Variants in CA10 observed in about 807,000 individuals in gnomAD.
CA10 encodes the protein carbonic anhydrase-related protein 10.
A neutral mutation model predicts 44.2 loss-of-function variants in CA10; 14 were observed. The ratio of observed to expected loss-of-function variants is 0.32; its 90% CI spans 0.21 to 0.50. The LOEUF (loss-of-function observed/expected upper bound fraction) is 0.50, where lower values mean the gene tolerates loss of function less well. Among genes scored for constraint, CA10 ranks in the 20% least tolerant of loss-of-function variants. The pLI is 0.99. For synonymous variants in CA10, 159 were observed against 141.6 expected, an observed-to-expected ratio of 1.12 and a Z score of -0.87; for missense variants, 350 against 409.7, an observed-to-expected ratio of 0.85 and a Z score of 1.26.
At chr17:51,945,050 C>G (rs1238460388) in intron 2 of CA10, among the ~76,000 whole-genome samples, 2 of 152,152 alleles carry the variant, frequency 1.3e-5, no homozygotes, top group Non-Finnish European at 2.9e-5. Context: ...GGCAGTCACA[C>G]TTAGCAGTTG....
rs149382808 is a variant in CA10, at chr17:51,655,142, T to C, written c.466-1406A>G. ...AATTTAAAAGTAGTTTGTAGCTATC[T>C]TTCTAAGCCAATGCATATAGATCTC... is the stretch of plus-strand genomic sequence containing the variant. On this transcript the variant is annotated intron_variant, in intron 4 of 8. Coordinates refer to ENST00000451037, the MANE Select transcript of CA10 (RefSeq NM_020178.5). Among the ~76,000 whole-genome samples, 225 of 152,354 alleles carry C rather than the reference T, an allele frequency of 1.5e-3. 1 individual carries two copies. Among genetic ancestry groups the C allele is most frequent in the African/African-American group, 5.1e-3 (213 of 41,580 alleles).
At chr17:51,820,416 C>CA (rs1491263200) in intron 3 of CA10, among the ~76,000 whole-genome samples, 14 of 92,936 alleles carry the variant, frequency 1.5e-4, no homozygotes, top group South Asian at 1.0e-3. Flanking sequence ...CCCCCCCCCC[C>CA]CCGCCCGCCG....
chr17:51,828,327 C>G (rs1024293396), intron 3 of CA10, among the ~76,000 whole-genome samples: 3 of 152,178 alleles, frequency 2.0e-5, no homozygotes, highest in African/African-American at 4.8e-5. Flanking sequence ...CATGTCCTAG[C>G]TAGTCTGGAT....
intron 2 of CA10, among the ~76,000 whole-genome samples, chr17:52,044,591 ACAG>A (rs1426353764): frequency 6.6e-6 from 1 of 152,120 alleles, no homozygotes. Context: ...GGTGTGAGCC[ACAG>A]CACCCAGCCT....
At chr17:51,982,138 C>G (rs1984673827) in intron 2 of CA10, among the ~76,000 whole-genome samples, 1 of 151,954 alleles carries the variant, frequency 6.6e-6, no homozygotes, top group Non-Finnish European at 1.5e-5. Context: ...ACATTTAGAA[C>G]TATAGGGGCC....
At chr17:52,101,286 A>AT (rs746500329) in intron 1 of CA10, among the ~76,000 whole-genome samples, 2 of 152,050 alleles carry the variant, frequency 1.3e-5, no homozygotes, top group Admixed American at 6.6e-5. Flanking sequence ...CATGTACACA[A>AT]TTTTTTTTCT....
chr17:51,841,557 T>C (rs1033861060), intron 3 of CA10, among the ~76,000 whole-genome samples: 5 of 152,210 alleles, frequency 3.3e-5, no homozygotes, highest in East Asian at 1.9e-4. Context: ...GCAGGATGTA[T>C]GTACAAGGTT....
chr17:51,702,161 C>T (rs903802903), intron 4 of CA10, among the ~76,000 whole-genome samples: 2 of 152,148 alleles, frequency 1.3e-5, no homozygotes, highest in Non-Finnish European at 2.9e-5. Flanking sequence ...CTATTATGTG[C>T]CAGGCATTGT....
At chr17:52,006,725 G>A (rs1282140432) in intron 2 of CA10, among the ~76,000 whole-genome samples, 1 of 151,746 alleles carries the variant, frequency 6.6e-6, no homozygotes, top group Non-Finnish European at 1.5e-5. Flanking sequence ...TTTCAGTGTT[G>A]ATAAGGAAAA....
At chr17:51,807,810 G>A (rs1907193016) in intron 3 of CA10, among the ~76,000 whole-genome samples, 1 of 152,208 alleles carries the variant, frequency 6.6e-6, no homozygotes, top group Non-Finnish European at 1.5e-5. Context: ...TTCAAGAACA[G>A]GCAAAATAGT....
At chr17:51,744,602 G>T (rs948787215) in intron 4 of CA10, among the ~76,000 whole-genome samples, 1 of 152,040 alleles carries the variant, frequency 6.6e-6, no homozygotes, top group East Asian at 1.9e-4. Flanking sequence ...AACAGAGTAA[G>T]ACCCTTTCTC....
At chr17:51,658,716 G>GT (rs1913891897) in intron 4 of CA10, among the ~76,000 whole-genome samples, 1 of 152,180 alleles carries the variant, frequency 6.6e-6, no homozygotes, top group Admixed American at 6.5e-5. Flanking sequence ...AGTCACAGGT[G>GT]TTAAATAAGA....
chr17:51,808,107 G>GA (rs1199343615), intron 3 of CA10, among the ~76,000 whole-genome samples: 1 of 152,162 alleles, frequency 6.6e-6, no homozygotes, highest in African/African-American at 2.4e-5. Context: ...TAGGCTTAGG[G>GA]AATTTGCTGA....
At chr17:51,801,504 G>C (rs1906930776) in intron 3 of CA10, among the ~76,000 whole-genome samples, 1 of 151,904 alleles carries the variant, frequency 6.6e-6, no homozygotes. Context: ...AAAAAAACAG[G>C]CTCTTCAGTT....
At chr17:52,034,825 C>T (rs1389577651) in intron 2 of CA10, among the ~76,000 whole-genome samples, 1 of 152,142 alleles carries the variant, frequency 6.6e-6, no homozygotes, top group African/African-American at 2.4e-5. Flanking sequence ...ATGTATTGCA[C>T]AGCTCAAGTA....
intron 4 of CA10, among the ~76,000 whole-genome samples, chr17:51,660,763 C>A (rs910978337): frequency 6.6e-6 from 1 of 152,164 alleles, no homozygotes; most frequent in Non-Finnish European, 1.5e-5. Context: ...TCAGTGGCTT[C>A]CCCTTGCCTG....
chr17:51,635,840 CAGAG>C lies in CA10; in HGVS notation c.789+11_789+14del. On this transcript the variant is annotated intron_variant, in intron 7 of 8. Coordinates refer to ENST00000451037, the MANE Select transcript of CA10 (RefSeq NM_020178.5). ...CATTCTTCTCCATTAGCTAAATGACCAGAGAGAAACTCACCTGCATCCTGGTTAT... is the reference window on the plus strand; with the variant it reads ...CATTCTTCTCCATTAGCTAAATGACCAGAAACTCACCTGCATCCTGGTTAT... 1 of 1,539,400 alleles carries C rather than the reference CAGAG, an allele frequency of 6.5e-7. No individual in the cohort carries two copies. Among genetic ancestry groups the C allele is most frequent in the Admixed American group, 2.0e-5 (1 of 50,174 alleles).
chr17:51,792,210 C>T (rs1906548913), intron 3 of CA10, among the ~76,000 whole-genome samples: 1 of 152,162 alleles, frequency 6.6e-6, no homozygotes, highest in South Asian at 2.1e-4. Context: ...AAGCAACTTC[C>T]TCCAAGCAAT....
At chr17:52,104,218 G>A (rs2143260149) in intron 1 of CA10, among the ~76,000 whole-genome samples, 1 of 148,972 alleles carries the variant, frequency 6.7e-6, no homozygotes, top group East Asian at 2.0e-4. Context: ...CTGAGACAGT[G>A]TCTGGTTCTG....
Sources: gnomAD v4.1 joint callset for allele counts (sites outside exome capture counted in the v4.1 genomes callset) on GRCh38, gnomAD v4.1.1 for gene constraint, MANE v1.5 for transcripts, NCBI Gene and HGNC (gene_info 2026-07-23, HGNC 2026-07-21) for gene names.